Variants in ZNF782 observed in about 807,000 individuals in gnomAD.
ZNF782 encodes zinc finger protein 782.
Under a neutral mutation model 13.0 loss-of-function variants are expected in ZNF782, and 12 were observed. That is an observed-to-expected ratio of 0.92 (90% confidence interval 0.59 to 1.50). ZNF782 has a LOEUF of 1.50. ZNF782 is among the 40% of genes most tolerant of loss of function. The probability of loss-of-function intolerance (pLI) is 0.00; values close to 1 mark genes in which losing one functional copy is unlikely to be tolerated. For synonymous variants in ZNF782, 284 were observed against 283.0 expected, an observed-to-expected ratio of 1.00 and a Z score of -0.04; for missense variants, 770 against 822.9, an observed-to-expected ratio of 0.94 and a Z score of 0.79.
At chr9:96,930,918 G>A in the ZNF782 span, among the ~76,000 whole-genome samples, 5 of 89,238 alleles carry the variant, frequency 5.6e-5, no homozygotes, top group East Asian at 3.7e-4. Context: ...TTTTTGAGAC[G>A]GAGTCTCGCT....
At chr9:96,912,346 G>C in the ZNF782 span, among the ~76,000 whole-genome samples, 2 of 147,318 alleles carry the variant, frequency 1.4e-5, no homozygotes, top group African/African-American at 4.9e-5. Flanking sequence ...CCAACATGGC[G>C]AAACCCCGTC....
chr9:96,913,943 C>T, the ZNF782 span, among the ~76,000 whole-genome samples: 225 of 145,454 alleles, frequency 1.5e-3, no homozygotes, highest in Non-Finnish European at 7.2e-4. Context: ...AGTTTGAGAC[C>T]AGCCTGGGCA....
At chr9:96,858,247 C>G (rs551664230), upstream of ZNF782, among the ~76,000 whole-genome samples, 3 of 152,318 alleles carry the variant, frequency 2.0e-5, no homozygotes, top group East Asian at 3.9e-4. The surrounding 1 kb of genome is among the most constrained non-coding windows in gnomAD (Gnocchi z 4.4). Context: ...TCCCCTCCCC[C>G]AGGAGTGTTG....
At chr9:96,921,388 C>T in the ZNF782 span, among the ~76,000 whole-genome samples, 2 of 136,014 alleles carry the variant, frequency 1.5e-5, no homozygotes, top group African/African-American at 2.7e-5. Flanking sequence ...CAAAAATTAG[C>T]CAGACATGGT....
intron 4 of ZNF782, among the ~76,000 whole-genome samples, chr9:96,829,861 T>C (rs1850740676): frequency 6.6e-6 from 1 of 152,194 alleles, no homozygotes; most frequent in East Asian, 1.9e-4. Context: ...GTAGAGGTAC[T>C]TTCTCCTATC....
chr9:96,874,915 G>A (rs1424859888), intron 1 of ZNF782, among the ~76,000 whole-genome samples: 1 of 152,328 alleles, frequency 6.6e-6, no homozygotes, highest in Non-Finnish European at 1.5e-5. Flanking sequence ...AGAGTGGCTA[G>A]GCGCCTTCGT....
Position 96,818,028 on chromosome 9 carries a change from C to T in ZNF782, c.1995G>A (p.Gln665=). The T allele has an allele frequency of 5.6e-6, 9 of 1,611,708 alleles. No individual in the cohort carries two copies. The highest frequency in any genetic ancestry group is 6.8e-6 in the Non-Finnish European group (8 of 1,179,180). The part of the protein sequence containing the change: ...FSQKSNLRVH[Q]RTHTGEKPYK... The stretch of plus-strand genomic sequence containing the variant: ...AGGGTTTCTCCCCTGTGTGAGTTCT[C>T]TGATGTACTCTGAGATTGGATTTCT... The change falls in exon 6 of 6, where the codon CAG becomes CAA. Residue 665 remains glutamine (Q), a synonymous_variant. Coordinates refer to ENST00000481138, the MANE Select transcript of ZNF782 (RefSeq NM_001001662.3).
chr9:96,843,565 A>T (rs1180527637), intron 4 of ZNF782, among the ~76,000 whole-genome samples: 1 of 152,168 alleles, frequency 6.6e-6, no homozygotes, highest in Non-Finnish European at 1.5e-5. Flanking sequence ...CACCAAAGAG[A>T]TCTTTGTGGT....
chr9:96,833,254 ATAAC>A (rs145613136), intron 4 of ZNF782, among the ~76,000 whole-genome samples: 1,817 of 152,292 alleles, frequency 0.012, 49 homozygotes, highest in African/African-American at 0.041. Context: ...CAGTTTTTTC[ATAAC>A]TAATAATACT....
At chr9:96,876,943 C>CAAAAAAAAAAAAAAAAAA (rs398011569), upstream of ZNF782, among the ~76,000 whole-genome samples, 9 of 42,820 alleles carry the variant, frequency 2.1e-4, no homozygotes, top group East Asian at 3.4e-3. Context: ...AACTCCGACT[C>CAAAAAAAAAAAAAAAAAA]AAAAAAAAAA....
upstream of ZNF782, among the ~76,000 whole-genome samples, chr9:96,878,813 T>G (rs1308938824): frequency 6.6e-6 from 1 of 152,222 alleles, no homozygotes; most frequent in Non-Finnish European, 1.5e-5. Flanking sequence ...ATGATAGAAT[T>G]GTGCAGTTAA....
chr9:96,910,286 G>C, the ZNF782 span: 18 of 566,320 alleles, frequency 3.2e-5, no homozygotes, highest in South Asian at 2.7e-4. Flanking sequence ...AGAAGGTGAT[G>C]GTGAGGAAGA....
chr9:96,848,651 A>G (rs1159082865), intron 3 of ZNF782, among the ~76,000 whole-genome samples: 2 of 152,232 alleles, frequency 1.3e-5, no homozygotes, highest in Non-Finnish European at 2.9e-5. Flanking sequence ...TACAAGAACT[A>G]CATAACACTG....
chr9:96,870,974 G>C (rs1231897818), intron 1 of ZNF782, among the ~76,000 whole-genome samples: 1 of 152,206 alleles, frequency 6.6e-6, no homozygotes, highest in Non-Finnish European at 1.5e-5. Flanking sequence ...GTCATAAAAA[G>C]AGAAAATATT....
intron 1 of ZNF782, among the ~76,000 whole-genome samples, chr9:96,867,688 C>T (rs1352233546): frequency 6.6e-6 from 1 of 152,180 alleles, no homozygotes; most frequent in Non-Finnish European, 1.5e-5. Flanking sequence ...CATCTGATCA[C>T]TATTGTGGTG....
At chr9:96,844,345 T>C (rs1243227733) in intron 4 of ZNF782, among the ~76,000 whole-genome samples, 2 of 152,192 alleles carry the variant, frequency 1.3e-5, no homozygotes, top group Admixed American at 6.5e-5. Context: ...AAATTCCGTA[T>C]GTTGACCAAC....
chr9:96,886,702 C>T, the ZNF782 span, among the ~76,000 whole-genome samples: 2 of 151,882 alleles, frequency 1.3e-5, no homozygotes, highest in South Asian at 4.2e-4. Context: ...GCAGGTGGAT[C>T]GCCTGAGGTC....
Position 96,850,050 on chromosome 9 carries a change from G to A in ZNF782, c.15+1897C>T, listed in dbSNP as rs985775169. ...TGTGAAGAAAAGGGAATGCTTATAC[G>A]CTGCTGGTAGGAATGTAAATTAGGA... On this transcript the variant is annotated intron_variant, in intron 3 of 5. Transcript: ENST00000481138. The surrounding 1 kb of genome is among the most constrained non-coding windows in gnomAD (Gnocchi z 4.3). Among the ~76,000 whole-genome samples the A allele has an allele frequency of 4.6e-5, 7 of 152,242 alleles. No homozygotes were observed. The highest frequency in any genetic ancestry group is 2.1e-4 in the South Asian group (1 of 4,824).
intron 3 of ZNF782, among the ~76,000 whole-genome samples, chr9:96,846,671 C>T (rs1308684348): frequency 6.6e-6 from 1 of 152,128 alleles, no homozygotes; most frequent in Non-Finnish European, 1.5e-5. Context: ...ATGCACTTAA[C>T]ACTGGAGGTC....
Sources: allele counts gnomAD v4.1 joint callset (sites outside exome capture counted in the v4.1 genomes callset), GRCh38; gene constraint gnomAD v4.1.1; non-coding constraint Gnocchi (gnomAD v3.1); transcripts MANE v1.5; gene names NCBI Gene and HGNC (gene_info 2026-07-23, HGNC 2026-07-21).